The following LMO3 variants were observed in gnomAD, a reference collection of about 807,000 sequenced individuals.
The protein encoded by LMO3 is LIM domain only 3, also known as LIM domain only protein 3.
A neutral mutation model predicts 15.8 loss-of-function variants in LMO3; 2 were observed. The ratio of observed to expected loss-of-function variants is 0.13; its 90% confidence interval spans 0.05 to 0.40. The LOEUF (loss-of-function observed/expected upper bound fraction) is 0.40. Among genes scored for constraint, LMO3 ranks in the 10% least tolerant of loss-of-function variants. LMO3 has a pLI of 0.99. For missense variants in LMO3, 86 were observed against 182.2 expected (o/e 0.47, Z 3.04); for synonymous variants, 62 against 63.8 (o/e 0.97, Z 0.13).
rs531328514 is a variant in LMO3 at position 16,566,419 on chromosome 12, C to A, written c.207-5881G>T. 5.9e-5 allele frequency among the ~76,000 whole-genome samples: 9 copies of A among 151,666 alleles called. No homozygotes were observed. In the South Asian group the frequency reaches 1.5e-3, roughly 25 times the overall value. On this transcript the variant is annotated intron_variant, in intron 2 of 3. Transcript: ENST00000537304. ...GAAGCTTTTGAATGTTTTCAACACA[C>A]AAAAAAATGATAAATAATGTATGAG...
At chr12:16,571,013 C>T (rs368095261) in intron 2 of LMO3, among the ~76,000 whole-genome samples, 1 of 151,862 alleles carries the variant, frequency 6.6e-6, no homozygotes, top group South Asian at 2.1e-4. Context: ...TGCACATGTA[C>T]CCTAAAACTT....
At chr12:16,565,946 A>G (rs1282325329) in intron 2 of LMO3, among the ~76,000 whole-genome samples, 14 of 135,738 alleles carry the variant, frequency 1.0e-4, no homozygotes, top group African/African-American at 3.9e-4. Flanking sequence ...ATCAACCTAC[A>G]TGCCCATCAA....
Position 16,600,852 on chromosome 12 carries a change from T to C in LMO3, c.9A>G (p.Ser3=). The part of the protein sequence containing the change: ML[S]VQPDTKPKGC... ...CTTTCGGCTTGGTGTCTGGCTGGAC[T>C]GAGAGCATTTGTATACCTAAAGGAA... Residue 3 remains serine (S), a synonymous_variant, in exon 2 of 4, where the codon TCA becomes TCG. Coordinates refer to ENST00000537304, the MANE Select transcript of LMO3 (RefSeq NM_018640.5). 2 of 1,613,998 alleles carry C rather than the reference T, an allele frequency of 1.2e-6. No homozygotes were observed. The highest frequency in any genetic ancestry group is 1.7e-6 in the Non-Finnish European group (2 of 1,179,930).
chr12:16,602,782 C>G (rs1943864341), intron 1 of LMO3, among the ~76,000 whole-genome samples: 1 of 152,130 alleles, frequency 6.6e-6, no homozygotes, highest in Non-Finnish European at 1.5e-5. Flanking sequence ...TTACAGTGAA[C>G]AACAGATCCA....
rs1565511383 is a variant in LMO3, at chr12:16,596,476, C to T, written c.206+4179G>A. On this transcript the variant is annotated intron_variant, in intron 2 of 3. Transcript: ENST00000537304. The surrounding 1 kb of genome is among the most constrained non-coding windows in gnomAD (Gnocchi z 4.3). ...CATTCATAGAGATACAAGATACATACAGCCTATATAGACTTAATGCTTAAA... is the reference window on the plus strand; with the variant it reads ...CATTCATAGAGATACAAGATACATATAGCCTATATAGACTTAATGCTTAAA... Among the ~76,000 whole-genome samples the T allele has an allele frequency of 6.6e-6, 1 of 151,576 alleles. No individual in the cohort carries two copies. The highest frequency in any genetic ancestry group is 1.5e-5 in the Non-Finnish European group (1 of 67,624).
rs748261146 is a variant in LMO3 at position 16,593,886 on chromosome 12, C to G, written c.206+6769G>C. 7.9e-5 allele frequency among the ~76,000 whole-genome samples: 12 copies of G among 151,652 alleles called. No individual in the cohort carries two copies. The highest frequency in any genetic ancestry group is 1.5e-4 in the Non-Finnish European group (10 of 67,702). On this transcript the variant is annotated intron_variant, in intron 2 of 3. Coordinates refer to ENST00000537304, the MANE Select transcript of LMO3 (RefSeq NM_018640.5). This position sits in a 1 kb window ranked among gnomAD's most constrained non-coding sequence, Gnocchi z 4.2. ...AAAAGGGAAATACATGGTTAATCAT[C>G]AAAACAAGTATATTATCATAGTAAA...
At chr12:16,588,944 A>G (rs1366495645) in intron 2 of LMO3, among the ~76,000 whole-genome samples, 1 of 152,020 alleles carries the variant, frequency 6.6e-6, no homozygotes, top group African/African-American at 2.4e-5. Flanking sequence ...CTCTTTCCCT[A>G]CTGTGGTCCA....
intron 2 of LMO3, among the ~76,000 whole-genome samples, chr12:16,592,728 A>C (rs1943532273): frequency 6.6e-6 from 1 of 151,970 alleles, no homozygotes; most frequent in South Asian, 2.1e-4. Context: ...AAAATGTAAC[A>C]GTCTTGATTC....
In LMO3 at chr12:16,582,056, C is replaced by T. The variant is rs1249183589; in HGVS notation, c.206+18599G>A. 6.6e-6 allele frequency among the ~76,000 whole-genome samples: 1 copy of T among 151,880 alleles called. No homozygotes were observed. The highest frequency in any genetic ancestry group is 1.5e-5 in the Non-Finnish European group (1 of 67,982). On this transcript the variant is annotated intron_variant, in intron 2 of 3. Coordinates refer to ENST00000537304, the MANE Select transcript of LMO3 (RefSeq NM_018640.5). The surrounding 1 kb of genome is among the most constrained non-coding windows in gnomAD (Gnocchi z 4.1). The stretch of plus-strand genomic sequence containing the variant: ...AATATGAGGGACAATAATGAGTATC[C>T]CTGGCTTTTTCTTGGCTTTAATGGA...
chr12:16,574,498 T>C (rs7296508), intron 2 of LMO3, among the ~76,000 whole-genome samples: 6,814 of 152,194 alleles, frequency 0.045, 512 homozygotes, highest in African/African-American at 0.16. Context: ...TATTACTTGG[T>C]ATTTTTTCTT....
intron 3 of LMO3, among the ~76,000 whole-genome samples, chr12:16,553,451 G>GGT (rs760716987): frequency 3.9e-5 from 6 of 152,024 alleles, no homozygotes; most frequent in Non-Finnish European, 8.8e-5. Flanking sequence ...TCAATTAAGT[G>GGT]GTATATATAG....
chr12:16,558,496 G>A (rs926660791), intron 3 of LMO3, among the ~76,000 whole-genome samples: 2 of 151,968 alleles, frequency 1.3e-5, no homozygotes, highest in African/African-American at 4.8e-5. Context: ...ATATATACAT[G>A]CACATAAAGG....
intron 3 of LMO3, among the ~76,000 whole-genome samples, chr12:16,552,119 T>C (rs1304400475): frequency 6.6e-6 from 1 of 152,080 alleles, no homozygotes; most frequent in Admixed American, 6.5e-5. Flanking sequence ...TTAATAAGTG[T>C]TCTTTCTGTA....
chr12:16,557,056 C>T (rs1250723841), intron 3 of LMO3, among the ~76,000 whole-genome samples: 1 of 152,096 alleles, frequency 6.6e-6, no homozygotes. Flanking sequence ...AGGAGACAGA[C>T]TTAATTGTGA....
intron 2 of LMO3, among the ~76,000 whole-genome samples, chr12:16,581,886 T>A (rs1943170207): frequency 6.6e-6 from 1 of 152,128 alleles, no homozygotes; most frequent in Non-Finnish European, 1.5e-5. Flanking sequence ...TTGATTTACT[T>A]TTTTATTTAG....
At chr12:16,607,095 C>T (rs1324268053), upstream of LMO3, 1 of 152,342 alleles carries the variant, frequency 6.6e-6, no homozygotes, top group African/African-American at 2.4e-5. Flanking sequence ...CATTCATGAA[C>T]TCTCTGAAGT....
intron 2 of LMO3, among the ~76,000 whole-genome samples, chr12:16,572,430 A>T (rs963054566): frequency 3.4e-4 from 35 of 103,654 alleles, no homozygotes; most frequent in Non-Finnish European, 4.2e-4. Flanking sequence ...CTTCTTTATT[A>T]AAAAAAAAAC....
rs373924382 is a variant in LMO3 at position 16,549,177 on chromosome 12, C to T, written c.*2045G>A. 42 of 152,186 alleles carry T rather than the reference C, an allele frequency of 2.8e-4. No individual in the cohort carries two copies. Among genetic ancestry groups the T allele is most frequent in the African/African-American group, 9.4e-4 (39 of 41,532 alleles). The allele number at this position is 152,186 out of a possible 1,614,324, so 9.4% of individuals were successfully genotyped here. ...AAACCACTTTTCACTGATCTCTCCC[C>T]CACATATTTTTAATTTGTCTTGCTT... On this transcript the variant is annotated 3_prime_UTR_variant, in exon 4 of 4. Transcript: ENST00000537304.
chr12:16,605,610 G>A (rs1203257168), intron 1 of LMO3: 17 of 714,420 alleles, frequency 2.4e-5, no homozygotes, highest in South Asian at 1.4e-4. Context: ...AAGGGGGAGG[G>A]GTCCGGAAAC....
Sources: gnomAD v4.1 joint callset for allele counts (sites outside exome capture counted in the v4.1 genomes callset) on GRCh38, gnomAD v4.1.1 for gene constraint, Gnocchi (gnomAD v3.1) non-coding constraint, MANE v1.5 for transcripts, NCBI Gene and HGNC (gene_info 2026-07-23, HGNC 2026-07-21) for gene names.